NEBL: variants seen among roughly 807,000 people sequenced by gnomAD.
The protein encoded by NEBL is LIM and SH3 protein 2.
Under a neutral mutation model 140.2 loss-of-function variants are expected in NEBL, and 122 were observed. The observed-to-expected ratio is 0.87, with a 90% CI of 0.75 to 1.01. The LOEUF is 1.01. NEBL is among the 50% of genes least tolerant of loss of function. The pLI is 0.00. For synonymous variants in NEBL, 436 were observed against 398.9 expected (o/e 1.09, Z -1.11); for missense variants, 1,365 against 1,231.3 (o/e 1.11, Z -1.62).
At position 21,028,248 on chromosome 10, in the gene NEBL, A is replaced by AGAAGAAGAAGAAGAAG. The variant is rs1554819352; in HGVS notation, c.165-8048_165-8047insCTTCTTCTTCTTCTTC. ...TCTCAAACATCTCAAAAAAAAAAAA[A>AGAAGAAGAAGAAGAAG]AAAAAAAAGAAGAAGAAGAAGAAGA... On this transcript the variant is annotated intron_variant, in intron 2 of 6. Coordinates refer to the NEBL transcript ENST00000417816. Among the ~76,000 whole-genome samples, 4 of 32,088 alleles carry AGAAGAAGAAGAAGAAG rather than the reference A, an allele frequency of 1.2e-4. No homozygotes were observed. The East Asian group carries it at 7.1e-3, about 57-fold the overall frequency. The allele number at this position is 32,088 out of a possible 152,430, so 21.1% of individuals were successfully genotyped here.
At chr10:20,960,448 C>T (rs1835998736) in intron 4 of NEBL, among the ~76,000 whole-genome samples, 1 of 151,978 alleles carries the variant, frequency 6.6e-6, no homozygotes, top group African/African-American at 2.4e-5. Context: ...TCTTAAAATT[C>T]AACTCTTTTT....
intron 2 of NEBL, chr10:21,030,309 C>T (rs1564486399): frequency 4.6e-6 from 3 of 658,294 alleles, no homozygotes; most frequent in Non-Finnish European, 8.0e-6. Context: ...CGGTGGAGGA[C>T]AGGAAGTGAG....
chr10:20,938,264 C>A (rs1834622252), intron 4 of NEBL, among the ~76,000 whole-genome samples: 1 of 152,244 alleles, frequency 6.6e-6, no homozygotes, highest in African/African-American at 2.4e-5. Flanking sequence ...GATCAAGCAG[C>A]AACATTTGCT....
chr10:20,939,018 G>C (rs1468653406), intron 4 of NEBL, among the ~76,000 whole-genome samples: 2 of 152,132 alleles, frequency 1.3e-5, no homozygotes, highest in Non-Finnish European at 2.9e-5. Context: ...CACTCTGCAG[G>C]ATATTATCCA....
chr10:21,146,567 T>C (rs1839905243), intron 2 of NEBL: 5 of 1,326,150 alleles, frequency 3.8e-6, no homozygotes, highest in Non-Finnish European at 5.3e-6. Context: ...CATTGTTACC[T>C]TGGAACTTTC....
intron 26 of NEBL, among the ~76,000 whole-genome samples, chr10:20,791,508 A>G (rs1240321368): frequency 6.6e-6 from 1 of 151,890 alleles, no homozygotes; most frequent in Non-Finnish European, 1.5e-5. Context: ...GACTCAAGCG[A>G]TCCTCCTGCC....
intron 2 of NEBL, among the ~76,000 whole-genome samples, chr10:21,160,090 A>G (rs1209873393): frequency 6.6e-6 from 1 of 152,214 alleles, no homozygotes; most frequent in Non-Finnish European, 1.5e-5. Flanking sequence ...GCTTGCTATC[A>G]GATCAGCGAC....
At chr10:20,965,761 C>T (rs1238862775) in intron 3 of NEBL, among the ~76,000 whole-genome samples, 1 of 152,156 alleles carries the variant, frequency 6.6e-6, no homozygotes, top group Non-Finnish European at 1.5e-5. Context: ...TAGAGTCAGG[C>T]AATATCCAGC....
intron 16 of NEBL, among the ~76,000 whole-genome samples, chr10:20,829,164 G>A (rs1470203214): frequency 6.6e-6 from 1 of 151,978 alleles, no homozygotes; most frequent in East Asian, 1.9e-4. Context: ...CTTAAAACCA[G>A]GCTCTCTGAT....
intron 3 of NEBL, among the ~76,000 whole-genome samples, chr10:21,227,703 T>TC (rs1491154746): frequency 2.0e-4 from 15 of 75,246 alleles, no homozygotes; most frequent in African/African-American, 9.5e-4. Flanking sequence ...TTCTTCTTCT[T>TC]CTTCTTCTTT....
rs962408898 is a variant in NEBL, at chr10:21,044,712, C to T, written c.165-24511G>A. Among the ~76,000 whole-genome samples the T allele has an allele frequency of 3.9e-5, 6 of 152,144 alleles. No homozygotes were observed. In the South Asian group the frequency reaches 1.2e-3, roughly 31 times the overall value. ...TGGTCAACATCTATGTACCCTTTAT[C>T]ACCCTGCTCAAATGCCCCTGCTCCG... On this transcript the variant is annotated intron_variant, in intron 2 of 6. Coordinates refer to the NEBL transcript ENST00000417816.
At chr10:20,961,556 A>C (rs767164782) in intron 4 of NEBL, 42 of 808,144 alleles carry the variant, frequency 5.2e-5, no homozygotes. Flanking sequence ...CTATGCGTGC[A>C]CTGAGTACTG....
At chr10:21,043,266 A>G (rs1229247373) in intron 2 of NEBL, among the ~76,000 whole-genome samples, 5 of 152,154 alleles carry the variant, frequency 3.3e-5, no homozygotes, top group Admixed American at 6.5e-5. Context: ...CTTTTTTTCA[A>G]TAAAATGGAG....
At chr10:20,819,323 C>T in intron 20 of NEBL, 101 bp downstream of exon 20, 1 of 1,574,372 alleles carries the variant, frequency 6.4e-7, no homozygotes, top group Non-Finnish European at 8.7e-7. Flanking sequence ...TTTTACGTTC[C>T]TGTGTTAGTT....
chr10:21,186,024 T>C (rs774662664), intron 3 of NEBL, among the ~76,000 whole-genome samples: 1 of 152,154 alleles, frequency 6.6e-6, no homozygotes, highest in Non-Finnish European at 1.5e-5. Flanking sequence ...CCATTCCCAA[T>C]GAGAAGATTG....
chr10:20,986,853 C>T (rs1217114752), intron 3 of NEBL, among the ~76,000 whole-genome samples: 1 of 152,094 alleles, frequency 6.6e-6, no homozygotes, highest in Admixed American at 6.5e-5. Context: ...ATAATAAATC[C>T]AAGCATCTGC....
intron 4 of NEBL, among the ~76,000 whole-genome samples, chr10:20,902,452 C>T (rs1011518048): frequency 2.0e-5 from 3 of 151,944 alleles, no homozygotes; most frequent in Non-Finnish European, 2.9e-5. Flanking sequence ...GTATATTCCC[C>T]TTTTCACAGA....
At chr10:20,978,179 A>C (rs1216679438) in intron 3 of NEBL, among the ~76,000 whole-genome samples, 1 of 152,196 alleles carries the variant, frequency 6.6e-6, no homozygotes, top group Non-Finnish European at 1.5e-5. Context: ...ATGAGATTCA[A>C]GTTTATCCAA....
chr10:21,256,778 G>A (rs1324799901), intron 1 of NEBL, among the ~76,000 whole-genome samples: 6 of 152,240 alleles, frequency 3.9e-5, no homozygotes, highest in African/African-American at 7.2e-5. Flanking sequence ...GTTCCAGGCT[G>A]TAGTGAGCTC....
Sources: gnomAD v4.1 joint callset for allele counts (sites outside exome capture counted in the v4.1 genomes callset) on GRCh38, gnomAD v4.1.1 for gene constraint, MANE v1.5 for transcripts, NCBI Gene and HGNC (gene_info 2026-07-23, HGNC 2026-07-21) for gene names.